Variants in CMSS1 observed in about 807,000 individuals in gnomAD.
The protein encoded by CMSS1 is protein CMSS1.
A neutral mutation model predicts 43.5 loss-of-function variants in CMSS1; 33 were observed. The observed-to-expected ratio is 0.76, with a 90% confidence interval of 0.57 to 1.01. The LOEUF is 1.01. Ranked by LOEUF, CMSS1 falls within the 50% of genes least tolerant of loss-of-function variation. The probability of loss-of-function intolerance (pLI) is 0.00; values close to 1 mark genes in which losing one functional copy is unlikely to be tolerated. For missense variants in CMSS1, 313 were observed against 326.4 expected (o/e 0.96, Z 0.32); for synonymous variants, 115 against 117.2 (o/e 0.98, Z 0.12).
chr3:99,907,506 C>A (rs1397132560), intron 1 of CMSS1, among the ~76,000 whole-genome samples: 1 of 152,182 alleles, frequency 6.6e-6, no homozygotes, highest in African/African-American at 2.4e-5. Context: ...CTCGGCCTCC[C>A]AAAGTGCTGG....
Position 100,178,571 on chromosome 3 carries a change from TTATATAA to T in CMSS1, c.*186_*192del, listed in dbSNP as rs1183479609. On this transcript the variant is annotated 3_prime_UTR_variant, in exon 10 of 10. Transcript: ENST00000421999. ...TGAAACTGTCCTTTTGACAACTCTC[TTATATAA>T]TAAAGTATCACCGGCTTGTGTATGA... The T allele has an allele frequency of 1.9e-6, 1 of 534,938 alleles. No individual in the cohort carries two copies. The highest frequency in any genetic ancestry group is 3.3e-6 in the Non-Finnish European group (1 of 299,960). The allele number at this position is 534,938 out of a possible 1,614,324, so 33.1% of individuals were successfully genotyped here. A position where few individuals can be genotyped will look rare whatever the true frequency, so the allele number is the denominator to read the frequency against.
intron 1 of CMSS1, among the ~76,000 whole-genome samples, chr3:99,999,724 T>C (rs1225596905): frequency 2.0e-5 from 3 of 152,182 alleles, no homozygotes; most frequent in African/African-American, 7.2e-5. Context: ...AAGGTCCCAA[T>C]TAAAAGCCCT....
intron 1 of CMSS1, among the ~76,000 whole-genome samples, chr3:100,074,057 T>G (rs2065806293): frequency 6.6e-6 from 1 of 152,142 alleles, no homozygotes; most frequent in Non-Finnish European, 1.5e-5. Context: ...AAAAGGTTTG[T>G]GGGGGCCTTT....
chr3:99,866,134 A>G (rs1043249451), intron 1 of CMSS1, among the ~76,000 whole-genome samples: 22 of 150,066 alleles, frequency 1.5e-4, no homozygotes, highest in African/African-American at 5.4e-4. Flanking sequence ...TCCAGAACTT[A>G]TTCTGAGCAA....
chr3:100,054,413 C>G (rs116728461), intron 1 of CMSS1, among the ~76,000 whole-genome samples: 241 of 152,204 alleles, frequency 1.6e-3, no homozygotes, highest in Non-Finnish European at 2.6e-3. Flanking sequence ...AGTGGCTGTC[C>G]CGTCAAGTGG....
In CMSS1 at chr3:100,178,572, T is replaced by C; in HGVS notation, c.*184T>C. ...GAAACTGTCCTTTTGACAACTCTCT[T>C]ATATAATAAAGTATCACCGGCTTGT... On this transcript the variant is annotated 3_prime_UTR_variant, in exon 10 of 10. Transcript: ENST00000421999. 1.9e-6 allele frequency: 1 copy of C among 533,302 alleles called. No homozygotes were observed. Among genetic ancestry groups the C allele is most frequent in the East Asian group, 3.1e-5 (1 of 32,688 alleles). The allele number at this position is 533,302 out of a possible 1,614,324, so 33.0% of individuals were successfully genotyped here. A position where few individuals can be genotyped will look rare whatever the true frequency, so the allele number is the denominator to read the frequency against.
intron 1 of CMSS1, chr3:100,023,317 A>T (rs1457618130): frequency 1.3e-5 from 2 of 152,670 alleles, no homozygotes; most frequent in African/African-American, 2.4e-5. Flanking sequence ...TTATGCAAAC[A>T]GAGCCTGGCT....
rs537142153 is a variant in CMSS1, at chr3:100,138,893, G to A, written c.65-8080G>A. ...TTCTACTCTGAAGACACATGCACGCGTATGTTTATTGCAGCACTATTTACA... is the reference window on the plus strand; with the variant it reads ...TTCTACTCTGAAGACACATGCACGCATATGTTTATTGCAGCACTATTTACA... On this transcript the variant is annotated intron_variant, in intron 1 of 9. Coordinates refer to ENST00000421999, the MANE Select transcript of CMSS1 (RefSeq NM_032359.4). Among the ~76,000 whole-genome samples the A allele has an allele frequency of 2.0e-4, 30 of 152,264 alleles. No individual in the cohort carries two copies. The South Asian group carries it at 2.1e-3, about 11-fold the overall frequency.
intron 1 of CMSS1, among the ~76,000 whole-genome samples, chr3:100,003,461 A>T (rs1403433174): frequency 1.3e-5 from 2 of 152,204 alleles, no homozygotes. Flanking sequence ...GCAAGTGACT[A>T]TGATAGATGC....
At chr3:99,973,063 A>G (rs968039622) in intron 1 of CMSS1, among the ~76,000 whole-genome samples, 5 of 152,238 alleles carry the variant, frequency 3.3e-5, no homozygotes, top group African/African-American at 7.2e-5. Flanking sequence ...GTGCAGAACT[A>G]TAGGAACAAT....
intron 1 of CMSS1, among the ~76,000 whole-genome samples, chr3:99,923,180 T>A (rs900965917): frequency 3.3e-5 from 5 of 152,088 alleles, no homozygotes; most frequent in African/African-American, 1.2e-4. Flanking sequence ...CCTTTCAACA[T>A]TCTCTCTTCT....
chr3:100,141,628 A>ATGAAGGT, intron 1 of CMSS1: 1 of 451,462 alleles, frequency 2.2e-6, no homozygotes, highest in Non-Finnish European at 4.4e-6. Context: ...CAAAAAGAAG[A>ATGAAGGT]TGAAGGTAGG....
chr3:100,162,314 T>C lies in CMSS1; in HGVS notation c.237T>C (p.Thr79=), dbSNP rs748440013. The change falls in exon 4 of 10, where the codon ACT becomes ACC. Residue 79 remains threonine, a synonymous_variant. Coordinates refer to ENST00000421999, the MANE Select transcript of CMSS1 (RefSeq NM_032359.4). ...KTRKRRKKKI[T]DVLAKSEPKP... is the part of the protein sequence containing the mutation. ...TTCTCATATCTTAGAAGAAAATTAC[T>C]GATGTTCTTGCAAAATCAGAACCAA... The C allele has an allele frequency of 1.2e-6, 2 of 1,609,222 alleles. No homozygotes were observed. Among genetic ancestry groups the C allele is most frequent in the African/African-American group, 1.3e-5 (1 of 74,584 alleles).
chr3:99,965,424 A>T (rs766125963), intron 1 of CMSS1, among the ~76,000 whole-genome samples: 1 of 152,214 alleles, frequency 6.6e-6, no homozygotes, highest in Non-Finnish European at 1.5e-5. Flanking sequence ...CTGTGGATGT[A>T]CCAGCATGTT....
chr3:100,067,016 CAG>C (rs2065677510), intron 1 of CMSS1, among the ~76,000 whole-genome samples: 1 of 152,194 alleles, frequency 6.6e-6, no homozygotes, highest in Non-Finnish European at 1.5e-5. Context: ...TGAGATTCCT[CAG>C]TCAAGTGTGC....
chr3:100,045,525 C>A (rs1451651583), intron 1 of CMSS1, among the ~76,000 whole-genome samples: 1 of 152,088 alleles, frequency 6.6e-6, no homozygotes, highest in Non-Finnish European at 1.5e-5. Flanking sequence ...CCTCCTCTCG[C>A]AAACACCTCC....
intron 1 of CMSS1, among the ~76,000 whole-genome samples, chr3:99,845,138 A>T (rs1943304529): frequency 6.6e-6 from 1 of 152,150 alleles, no homozygotes; most frequent in African/African-American, 2.4e-5. Flanking sequence ...TTGAACAAGT[A>T]TCAAGATTCT....
intron 1 of CMSS1, among the ~76,000 whole-genome samples, chr3:100,114,672 C>G (rs534747103): frequency 1.3e-5 from 2 of 152,260 alleles, no homozygotes; most frequent in East Asian, 1.9e-4. Context: ...AACCTGGGTC[C>G]CATTCTTTGC....
At chr3:100,066,640 TC>T (rs1170301824) in intron 1 of CMSS1, among the ~76,000 whole-genome samples, 2 of 117,956 alleles carry the variant, frequency 1.7e-5, no homozygotes, top group African/African-American at 3.0e-5. Context: ...CACGCCATTC[TC>T]CTGCCTCAGC....
Sources: allele counts gnomAD v4.1 joint callset (sites outside exome capture counted in the v4.1 genomes callset), GRCh38; gene constraint gnomAD v4.1.1; transcripts MANE v1.5; gene names NCBI Gene and HGNC (gene_info 2026-07-23, HGNC 2026-07-21).